TANGO2: variants seen among roughly 807,000 people sequenced by gnomAD.
The protein encoded by TANGO2 is transport and Golgi organization protein 2 homolog.
In TANGO2, 26 loss-of-function variants were observed where a neutral mutation model predicts 39.1. The ratio of observed to expected loss-of-function variants is 0.67; its 90% CI spans 0.49 to 0.92. The LOEUF (loss-of-function observed/expected upper bound fraction) is 0.92, where lower values mean the gene tolerates loss of function less well. TANGO2 is among the 40% of genes least tolerant of loss of function. The pLI is 0.00. For missense variants in TANGO2, 326 were observed against 360.1 expected, an observed-to-expected ratio of 0.91 and a Z score of 0.77; for synonymous variants, 131 against 144.5, an observed-to-expected ratio of 0.91 and a Z score of 0.67.
chr22:20,017,766 C>A (rs538541896), upstream of TANGO2, among the ~76,000 whole-genome samples: 1 of 152,288 alleles, frequency 6.6e-6, no homozygotes, highest in South Asian at 2.1e-4. Context: ...ATGAGTGGGA[C>A]CATGACCCTC....
intron 6 of TANGO2, chr22:20,056,426 A>G (rs1345453583): frequency 2.4e-5 from 11 of 465,094 alleles, no homozygotes; most frequent in Non-Finnish European, 1.3e-5. Flanking sequence ...CAAGCCCCAC[A>G]CAGATGCACG....
chr22:20,034,110 C>T (rs1170650109), intron 1 of TANGO2, among the ~76,000 whole-genome samples: 9 of 152,160 alleles, frequency 5.9e-5, no homozygotes, highest in African/African-American at 2.2e-4. Flanking sequence ...GAGGCTGAGG[C>T]AGGAGAATTG....
At position 20,065,100 on chromosome 22, in the gene TANGO2, AGGTG is replaced by A; in HGVS notation, c.*439_*442del. 1 of 173,468 alleles carries A rather than the reference AGGTG, an allele frequency of 5.8e-6. No individual in the cohort carries two copies. The highest frequency in any genetic ancestry group is 2.4e-5 in the African/African-American group (1 of 42,440). 10.7% of individuals were successfully genotyped at this position (173,468 alleles called of 1,614,324 possible). A position where few individuals can be genotyped will look rare whatever the true frequency, so the allele number is the denominator to read the frequency against. On this transcript the variant is annotated 3_prime_UTR_variant, in exon 9 of 9. Transcript: ENST00000327374. ...CACAGTTGCACAGACACACACACACAGGTGCACACACACGATGCCGAACAAGGCA... is the reference window on the plus strand; with the variant it reads ...CACAGTTGCACAGACACACACACACACACACACACGATGCCGAACAAGGCA...
At chr22:20,037,660 C>G (rs2043104247) in intron 2 of TANGO2, among the ~76,000 whole-genome samples, 1 of 152,030 alleles carries the variant, frequency 6.6e-6, no homozygotes, top group Admixed American at 6.5e-5. Context: ...GGTGTTTTCC[C>G]TTTTTGCAGT....
At chr22:20,052,343 T>TC in intron 3 of TANGO2, 122 bp from the exon 4 acceptor site, 1 of 1,416,332 alleles carries the variant, frequency 7.1e-7, no homozygotes, top group Non-Finnish European at 9.6e-7. Flanking sequence ...AAGCCGCATG[T>TC]CGAACGTCCT....
chr22:20,063,275 C>A (rs967353298), intron 7 of TANGO2, 63 bp from the exon 8 acceptor site: 80 of 1,509,624 alleles, frequency 5.3e-5, no homozygotes, highest in Non-Finnish European at 7.1e-5. Flanking sequence ...TGGGCTGGGG[C>A]TAGACCCGGC....
intron 1 of TANGO2, among the ~76,000 whole-genome samples, chr22:20,035,673 C>T (rs1421116859): frequency 6.6e-6 from 1 of 152,034 alleles, no homozygotes; most frequent in Non-Finnish European, 1.5e-5. Flanking sequence ...TGTGGGATGG[C>T]GAGTGTGTGT....
rs1429449943 is a variant in TANGO2, at chr22:20,062,107, G to A, written c.605+424G>A. Among the ~76,000 whole-genome samples, 5 of 152,188 alleles carry A rather than the reference G, an allele frequency of 3.3e-5. No individual in the cohort carries two copies. The East Asian group carries it at 7.7e-4, about 23-fold the overall frequency. On this transcript the variant is annotated intron_variant, in intron 7 of 8. Transcript: ENST00000327374. ...CACGCTCAGGGTTGATGGGCTTCCCGCAAGCGGTCTGTCCCCAGCGACCCT... is the reference window on the plus strand; with the variant it reads ...CACGCTCAGGGTTGATGGGCTTCCCACAAGCGGTCTGTCCCCAGCGACCCT...
upstream of TANGO2, among the ~76,000 whole-genome samples, chr22:20,020,146 A>C (rs576064693): frequency 1.3e-5 from 2 of 152,244 alleles, no homozygotes; most frequent in African/African-American, 4.8e-5. Flanking sequence ...ACTGAATGAC[A>C]TAACTGCTCC....
At chr22:20,053,874 C>T in intron 5 of TANGO2, 1 of 405,150 alleles carries the variant, frequency 2.5e-6, no homozygotes, top group Admixed American at 2.8e-5. Context: ...GAGCAGCCCT[C>T]CGCAGCCCTG....
At position 20,036,810 on chromosome 22, in the gene TANGO2, CTTCT is replaced by C; in HGVS notation, c.15_18del (p.Phe5LeufsTer31). The C allele has an allele frequency of 6.2e-7, 1 of 1,614,248 alleles. No homozygotes were observed. Among genetic ancestry groups the C allele is most frequent in the Non-Finnish European group, 8.5e-7 (1 of 1,180,052 alleles). On this transcript the variant is annotated frameshift_variant, in exon 2 of 9. Transcript: ENST00000327374. LOFTEE classifies it high-confidence loss of function. ...CGCCCTGCACCACCATGTGCATCAT[CTTCT>C]TTAAGTTTGATCCTCGCCCTGTTTC...
chr22:20,056,317 A>C (rs749006066), intron 6 of TANGO2: 1 of 607,004 alleles, frequency 1.6e-6, no homozygotes, highest in South Asian at 1.5e-5. Context: ...GTGCCGTCCC[A>C]GTGTGCCCTG....
At chr22:20,041,972 T>G (rs1602067071) in intron 2 of TANGO2, among the ~76,000 whole-genome samples, 2 of 151,392 alleles carry the variant, frequency 1.3e-5, no homozygotes, top group South Asian at 4.2e-4. Flanking sequence ...GCTCAGGGGG[T>G]CTTCAGCCAT....
At chr22:20,056,195 T>A (rs1172935154) in intron 6 of TANGO2, 182 bp downstream of exon 6, 2 of 703,516 alleles carry the variant, frequency 2.8e-6, no homozygotes, top group South Asian at 3.0e-5. Flanking sequence ...GAGCCCTGGC[T>A]CCCTGCTCAC....
At chr22:20,056,448 C>G (rs550920824) in intron 6 of TANGO2, 1 of 460,748 alleles carries the variant, frequency 2.2e-6, no homozygotes, top group East Asian at 6.8e-5. Flanking sequence ...CTCCTGCACC[C>G]AGTCCCCAGT....
In TANGO2 at chr22:20,064,925, C is replaced by CCTG; in HGVS notation, c.*263_*264insCTG. 1 of 452,010 alleles carries CCTG rather than the reference C, an allele frequency of 2.2e-6. No homozygotes were observed. The highest frequency in any genetic ancestry group is 2.9e-5 in the South Asian group (1 of 34,416). 28.0% of individuals were successfully genotyped at this position (452,010 alleles called of 1,614,324 possible). On this transcript the variant is annotated 3_prime_UTR_variant, in exon 9 of 9. Transcript: ENST00000327374. ...GTATACCATGAACATGTGGATACAC[C>CCTG]TGAGCCCACTCTTGCACATGTACAC...
intron 2 of TANGO2, among the ~76,000 whole-genome samples, chr22:20,040,929 G>C (rs977169030): frequency 6.6e-5 from 10 of 152,224 alleles, no homozygotes; most frequent in African/African-American, 2.4e-4. Context: ...CCTGGGGCCA[G>C]CTGGGTGTCA....
At chr22:20,036,062 C>A (rs1412824332) in intron 1 of TANGO2, among the ~76,000 whole-genome samples, 1 of 152,110 alleles carries the variant, frequency 6.6e-6, no homozygotes, top group African/African-American at 2.4e-5. Flanking sequence ...TTCTTATCAG[C>A]CTGCCTGCTA....
chr22:20,027,868 G>A (rs4629255), intron 1 of TANGO2, among the ~76,000 whole-genome samples: 60,239 of 151,882 alleles, frequency 0.4, 12,329 homozygotes, highest in African/African-American at 0.5. Context: ...GCACAATCTC[G>A]GTTCACGGCG....
Sources: allele counts gnomAD v4.1 joint callset (sites outside exome capture counted in the v4.1 genomes callset), GRCh38; gene constraint gnomAD v4.1.1; transcripts MANE v1.5; gene names NCBI Gene and HGNC (gene_info 2026-07-23, HGNC 2026-07-21).